The following EVL variants were observed in gnomAD, a reference collection of about 807,000 sequenced individuals.
EVL encodes the protein ena/VASP-like protein.
A neutral mutation model predicts 59.6 loss-of-function variants in EVL; 21 were observed. The ratio of observed to expected loss-of-function variants is 0.35; its 90% CI spans 0.25 to 0.51. The LOEUF (loss-of-function observed/expected upper bound fraction) is 0.51. Among genes scored for constraint, EVL ranks in the 20% least tolerant of loss-of-function variants. EVL has a pLI of 0.97. For missense variants in EVL, 462 were observed against 546.6 expected, an observed-to-expected ratio of 0.85 and a Z score of 1.54; for synonymous variants, 198 against 203.5, an observed-to-expected ratio of 0.97 and a Z score of 0.23.
chr14:100,113,438 C>A (rs1326500909), intron 3 of EVL, among the ~76,000 whole-genome samples: 2 of 152,138 alleles, frequency 1.3e-5, no homozygotes, highest in African/African-American at 4.8e-5. Flanking sequence ...GGGTGTTGCT[C>A]TCATCATCTT....
chr14:100,000,521 G>C (rs184135133), intron 1 of EVL, among the ~76,000 whole-genome samples: 40 of 152,002 alleles, frequency 2.6e-4, no homozygotes, highest in African/African-American at 7.7e-4. Flanking sequence ...CTCATTTCTT[G>C]TATTTTTAGT....
chr14:99,997,274 G>A (rs1308863486), intron 1 of EVL, among the ~76,000 whole-genome samples: 7 of 152,226 alleles, frequency 4.6e-5, no homozygotes, highest in Non-Finnish European at 7.3e-5. Context: ...AAGCTTTGAG[G>A]AAGTTAAGAA....
At chr14:100,115,626 G>A (rs970067750) in intron 3 of EVL, among the ~76,000 whole-genome samples, 1 of 152,212 alleles carries the variant, frequency 6.6e-6, no homozygotes, top group African/African-American at 2.4e-5. Context: ...GAGCTGAGCT[G>A]TCTCTGCTAA....
chr14:100,008,628 G>A (rs566003052), intron 1 of EVL, among the ~76,000 whole-genome samples: 2 of 152,242 alleles, frequency 1.3e-5, no homozygotes, highest in East Asian at 3.9e-4. Context: ...TTGAGAAGGA[G>A]GCTTAGAAAA....
chr14:100,137,314 C>A (rs1888861863), intron 9 of EVL: 1 of 534,244 alleles, frequency 1.9e-6, no homozygotes, highest in African/African-American at 1.9e-5. Context: ...TCACTGGGTC[C>A]CTTACCAGCA....
At position 100,027,203 on chromosome 14, in the gene EVL, G is replaced by T. The variant is rs545845310; in HGVS notation, c.5+55146G>T. On this transcript the variant is annotated intron_variant, in intron 1 of 13. Coordinates refer to the EVL transcript ENST00000402714. ...GTACAATGTGTAATGATCAAATCAG[G>T]GTAACTGGAATGCCCATCTCAAGCG... is the stretch of plus-strand genomic sequence containing the variant. 1.4e-3 allele frequency among the ~76,000 whole-genome samples: 213 copies of T among 152,052 alleles called. 1 individual carries two copies. Among genetic ancestry groups the T allele is most frequent in the African/African-American group, 5.0e-3 (207 of 41,490 alleles).
intron 1 of EVL, among the ~76,000 whole-genome samples, chr14:99,992,836 T>C (rs1337373162): frequency 6.6e-6 from 1 of 152,202 alleles, no homozygotes; most frequent in Non-Finnish European, 1.5e-5. Flanking sequence ...GCTTTTCCTA[T>C]CTGGCTTTTA....
At chr14:100,078,164 C>G (rs984261058) in intron 1 of EVL, among the ~76,000 whole-genome samples, 2 of 152,206 alleles carry the variant, frequency 1.3e-5, no homozygotes, top group Admixed American at 1.3e-4. Context: ...TTTTGGAGAG[C>G]AAACCCATTT....
At chr14:100,004,302 C>T (rs780129842) in intron 1 of EVL, among the ~76,000 whole-genome samples, 8 of 151,982 alleles carry the variant, frequency 5.3e-5, no homozygotes, top group African/African-American at 1.5e-4. Context: ...GAAAATGAGT[C>T]GAAGGAGGGC....
At chr14:100,076,605 A>C (rs1411300048) in intron 1 of EVL, among the ~76,000 whole-genome samples, 1 of 152,224 alleles carries the variant, frequency 6.6e-6, no homozygotes, top group Non-Finnish European at 1.5e-5. Context: ...TTTCTAAAAG[A>C]GGTAACAGAT....
chr14:100,113,773 A>G (rs569729587), intron 3 of EVL, among the ~76,000 whole-genome samples: 1 of 152,274 alleles, frequency 6.6e-6, no homozygotes, highest in South Asian at 2.1e-4. Flanking sequence ...GGAGGGTGCT[A>G]AGGGAGTTGG....
At chr14:100,112,137 T>TCAGCTCATATAGGATAAAAGCCAGCTC (rs1295986231) in intron 3 of EVL, among the ~76,000 whole-genome samples, 30 of 152,206 alleles carry the variant, frequency 2.0e-4, no homozygotes, top group Non-Finnish European at 1.5e-5. Context: ...CCTGCCAGCT[T>TCAGCTCATATAGGATAAAAGCCAGCTC]CAGCTCATAT....
At chr14:100,042,475 T>C (rs1429233252) in intron 1 of EVL, among the ~76,000 whole-genome samples, 2 of 152,204 alleles carry the variant, frequency 1.3e-5, no homozygotes, top group African/African-American at 2.4e-5. Context: ...AAATTGCTCC[T>C]CATTTCTCTG....
upstream of EVL, among the ~76,000 whole-genome samples, chr14:100,060,745 A>G (rs1024434298): frequency 6.6e-6 from 1 of 152,184 alleles, no homozygotes; most frequent in Non-Finnish European, 1.5e-5. Flanking sequence ...AAAGCCTTAA[A>G]TTACATACCT....
At position 100,127,774 on chromosome 14, in the gene EVL, G is replaced by C. The variant is rs1888171342; in HGVS notation, c.488-745G>C. Among the ~76,000 whole-genome samples the C allele has an allele frequency of 6.6e-6, 1 of 152,230 alleles. No individual in the cohort carries two copies. The highest frequency in any genetic ancestry group is 2.4e-5 in the African/African-American group (1 of 41,464). ...TCCATGAACTTCTGGCCAGGCTGGA[G>C]CCCCTCTTTGTATGCCAACATGGCG... On this transcript the variant is annotated intron_variant, in intron 5 of 13. Transcript: ENST00000392920. This position sits in a 1 kb window ranked among gnomAD's most constrained non-coding sequence, Gnocchi z 4.2.
intron 2 of EVL, among the ~76,000 whole-genome samples, chr14:100,085,715 G>C (rs2062425641): frequency 6.6e-6 from 1 of 152,186 alleles, no homozygotes; most frequent in East Asian, 1.9e-4. Flanking sequence ...GAAACTCTGG[G>C]TTCTGTTTTT....
At chr14:100,077,219 A>C (rs1269589368) in intron 1 of EVL, among the ~76,000 whole-genome samples, 1 of 152,178 alleles carries the variant, frequency 6.6e-6, no homozygotes, top group Non-Finnish European at 1.5e-5. Flanking sequence ...TAAAATAAAT[A>C]ACAAGGGCTG....
chr14:100,129,149 G>A (rs575671708), intron 6 of EVL, among the ~76,000 whole-genome samples: 1 of 152,280 alleles, frequency 6.6e-6, no homozygotes, highest in South Asian at 2.1e-4. Flanking sequence ...AGGTCCACCC[G>A]GCTGTTTCTT....
chr14:100,077,987 G>T lies in EVL; in HGVS notation c.12-6700G>T, dbSNP rs181867774. ...AGATGGGGTTTCACCGGTTAGCCAG[G>T]ATGGTCTCGATCTCCTGACCTCGTG... On this transcript the variant is annotated intron_variant, in intron 1 of 13. Coordinates refer to ENST00000392920, the MANE Select transcript of EVL (RefSeq NM_016337.3). Among the ~76,000 whole-genome samples, 295 of 152,278 alleles carry T rather than the reference G, an allele frequency of 1.9e-3. 3 individuals are homozygous for T. Among genetic ancestry groups the T allele is most frequent in the Non-Finnish European group, 2.8e-3 (193 of 68,036 alleles).
Sources: gnomAD v4.1 joint callset for allele counts (sites outside exome capture counted in the v4.1 genomes callset) on GRCh38, gnomAD v4.1.1 for gene constraint, Gnocchi (gnomAD v3.1) non-coding constraint, MANE v1.5 for transcripts, NCBI Gene and HGNC (gene_info 2026-07-23, HGNC 2026-07-21) for gene names.